The following COG5 variants were observed in gnomAD, a reference collection of about 807,000 sequenced individuals.
COG5 encodes the protein conserved oligomeric Golgi complex subunit 5.
COG5 carries 86 observed loss-of-function variants against 110.4 expected under a neutral mutation model. The observed-to-expected ratio is 0.78, with a 90% CI of 0.65 to 0.93. The LOEUF (loss-of-function observed/expected upper bound fraction) is 0.93, where lower values mean the gene tolerates loss of function less well. Among genes scored for constraint, COG5 ranks in the 40% least tolerant of loss-of-function variants. The pLI is 0.00. For synonymous variants in COG5, 360 were observed against 334.6 expected, an observed-to-expected ratio of 1.08 and a Z score of -0.83; for missense variants, 1,077 against 987.0, an observed-to-expected ratio of 1.09 and a Z score of -1.22.
intron 6 of COG5, among the ~76,000 whole-genome samples, chr7:107,442,704 G>A (rs948214270): frequency 2.7e-5 from 4 of 150,262 alleles, no homozygotes; most frequent in Non-Finnish European, 4.4e-5. Context: ...CACCAAGAGA[G>A]ATAATTTAGG....
At chr7:107,263,563 A>T (rs1422351630) in intron 14 of COG5, among the ~76,000 whole-genome samples, 1 of 152,214 alleles carries the variant, frequency 6.6e-6, no homozygotes, top group Admixed American at 6.5e-5. Flanking sequence ...AAACACACAC[A>T]CAAATACACA....
intron 10 of COG5, among the ~76,000 whole-genome samples, chr7:107,332,381 G>A (rs1007175811): frequency 7.2e-5 from 11 of 152,116 alleles, no homozygotes; most frequent in African/African-American, 2.2e-4. Flanking sequence ...AATAAAGATT[G>A]AGCATAAGTT....
Position 107,202,075 on chromosome 7 carries a change from T to G in COG5, c.*1441A>C, listed in dbSNP as rs1276186975. 1.3e-5 allele frequency: 2 copies of G among 152,690 alleles called. No individual in the cohort carries two copies. The highest frequency in any genetic ancestry group is 2.9e-5 in the Non-Finnish European group (2 of 68,044). 9.5% of individuals were successfully genotyped at this position (152,690 alleles called of 1,614,324 possible). A position where few individuals can be genotyped will look rare whatever the true frequency, so the allele number is the denominator to read the frequency against. ...AGGTGGCAGCAGCCATCCGTTATTA[T>G]TTCCAATGGAGACCTAGCCCAGGCC... On this transcript the variant is annotated 3_prime_UTR_variant, in exon 22 of 22. Transcript: ENST00000297135.
chr7:107,260,837 C>G (rs1440288370), intron 14 of COG5, among the ~76,000 whole-genome samples: 1 of 152,098 alleles, frequency 6.6e-6, no homozygotes, highest in Non-Finnish European at 1.5e-5. Flanking sequence ...TGTAAATAAT[C>G]TGCTGCTTAT....
At chr7:107,563,581 C>T in intron 1 of COG5, 1 of 535,360 alleles carries the variant, frequency 1.9e-6, no homozygotes, top group Non-Finnish European at 3.4e-6. Context: ...GAGGAACACA[C>T]AGAAACCAAG....
intron 14 of COG5, among the ~76,000 whole-genome samples, chr7:107,272,505 T>C (rs1490981773): frequency 6.6e-6 from 1 of 152,182 alleles, no homozygotes; most frequent in African/African-American, 2.4e-5. Context: ...TCCTCAACCT[T>C]GGCAAAATAA....
intron 6 of COG5, among the ~76,000 whole-genome samples, chr7:107,525,567 T>TA (rs398111697): frequency 6.6e-6 from 1 of 151,456 alleles, no homozygotes; most frequent in East Asian, 1.9e-4. Flanking sequence ...TTTTTTTTTT[T>TA]AAAGAGTCAA....
Position 107,412,506 on chromosome 7 carries a change from G to A in COG5, c.665C>T (p.Thr222Ile). 1 of 1,612,312 alleles carries A rather than the reference G, an allele frequency of 6.2e-7. No homozygotes were observed. The highest frequency in any genetic ancestry group is 1.3e-5 in the African/African-American group (1 of 74,898). The change falls in exon 7 of 22, where the codon ACT (threonine) becomes ATT (isoleucine). Residue 222 changes from threonine (T) to isoleucine (I), a missense_variant. By Grantham distance (89) the Thr-to-Ile change is moderately conservative (BLOSUM62 -1). Coordinates refer to ENST00000297135, the MANE Select transcript of COG5 (RefSeq NM_006348.5). ...AAACAGTCTTATTTTTATTACCTGAGTCTCCAAACCCTGCTCTAGTAGGCG... is the reference window on the plus strand; with the variant it reads ...AAACAGTCTTATTTTTATTACCTGAATCTCCAAACCCTGCTCTAGTAGGCG... ...AKRLLEQGLE[T>I]QNPTQVGTAL...
chr7:107,504,876 G>T (rs1798876856), intron 6 of COG5, among the ~76,000 whole-genome samples: 1 of 151,980 alleles, frequency 6.6e-6, no homozygotes, highest in Non-Finnish European at 1.5e-5. Flanking sequence ...GAGCTTATTT[G>T]AATCTTCTTT....
intron 5 of COG5, among the ~76,000 whole-genome samples, chr7:107,546,194 G>A (rs569573831): frequency 1.5e-4 from 23 of 152,218 alleles, no homozygotes; most frequent in Admixed American, 8.5e-4. Flanking sequence ...ACAACATACC[G>A]AAAGTTATGG....
At chr7:107,473,865 C>CA (rs2129111629) in intron 6 of COG5, among the ~76,000 whole-genome samples, 1 of 151,986 alleles carries the variant, frequency 6.6e-6, no homozygotes, top group Non-Finnish European at 1.5e-5. Flanking sequence ...TCTTTTATAT[C>CA]AAAACAATGC....
chr7:107,270,882 C>CTTTTTTTTTTTTTTTTTT (rs56971368), intron 14 of COG5, among the ~76,000 whole-genome samples: 6 of 68,748 alleles, frequency 8.7e-5, no homozygotes, highest in Non-Finnish European at 7.7e-5. Context: ...CTAACTAGAA[C>CTTTTTTTTTTTTTTTTTT]TTTTTTTTTT....
chr7:107,340,912 A>G (rs1811121301), intron 10 of COG5, among the ~76,000 whole-genome samples: 1 of 152,196 alleles, frequency 6.6e-6, no homozygotes, highest in Non-Finnish European at 1.5e-5. Flanking sequence ...ACAAACCTTC[A>G]GCCAACATCA....
At chr7:107,426,815 T>C (rs1279684058) in intron 6 of COG5, among the ~76,000 whole-genome samples, 1 of 152,232 alleles carries the variant, frequency 6.6e-6, no homozygotes, top group Non-Finnish European at 1.5e-5. Context: ...AGTTTGATTC[T>C]CTAGACCTGT....
chr7:107,454,939 G>C (rs1264405639), intron 6 of COG5, among the ~76,000 whole-genome samples: 4 of 152,144 alleles, frequency 2.6e-5, no homozygotes. Flanking sequence ...GTCTTAATAT[G>C]TTGTCATTGG....
At chr7:107,506,324 T>TGG (rs1206874909) in intron 6 of COG5, among the ~76,000 whole-genome samples, 3 of 152,176 alleles carry the variant, frequency 2.0e-5, no homozygotes, top group Admixed American at 2.0e-4. Flanking sequence ...TTCTCAGGAA[T>TGG]GGGCAGGGCC....
intron 8 of COG5, among the ~76,000 whole-genome samples, chr7:107,371,395 A>T (rs1255845176): frequency 6.6e-6 from 1 of 152,126 alleles, no homozygotes; most frequent in Non-Finnish European, 1.5e-5. Context: ...TTCAAGACCA[A>T]CTGGGGCAAC....
chr7:107,271,796 T>A (rs1035505656), intron 14 of COG5, among the ~76,000 whole-genome samples: 1 of 152,110 alleles, frequency 6.6e-6, no homozygotes. Flanking sequence ...AATTTGCCCT[T>A]TTTTTTCCTC....
intron 6 of COG5, among the ~76,000 whole-genome samples, chr7:107,496,264 C>T (rs1296820677): frequency 1.3e-5 from 2 of 152,106 alleles, no homozygotes; most frequent in Admixed American, 6.6e-5. Flanking sequence ...AAATCCTCAA[C>T]AATATACTAG....
Sources: gnomAD v4.1 joint callset for allele counts (sites outside exome capture counted in the v4.1 genomes callset) on GRCh38, gnomAD v4.1.1 for gene constraint, MANE v1.5 for transcripts, NCBI Gene and HGNC (gene_info 2026-07-23, HGNC 2026-07-21) for gene names.